PRKN: variants seen among roughly 807,000 people sequenced by gnomAD.
PRKN encodes E3 ubiquitin-protein ligase parkin.
A neutral mutation model predicts 59.5 loss-of-function variants in PRKN; 56 were observed. That is an observed-to-expected ratio of 0.94 (90% CI 0.76 to 1.18). PRKN has a LOEUF of 1.18. PRKN is among the 50% of genes most tolerant of loss of function. The pLI, the probability that PRKN is intolerant of heterozygous loss-of-function variation, is 0.00. For missense variants in PRKN, 657 were observed against 596.4 expected (o/e 1.10, Z -1.06); for synonymous variants, 250 against 222.1 (o/e 1.13, Z -1.12).
chr6:162,468,557 A>G (rs1791548946), intron 1 of PRKN, among the ~76,000 whole-genome samples: 1 of 152,220 alleles, frequency 6.6e-6, no homozygotes. Context: ...GTTTCTCATT[A>G]TATCTTGTCT....
intron 2 of PRKN, among the ~76,000 whole-genome samples, chr6:162,357,243 T>C (rs147204793): frequency 2.5e-3 from 380 of 152,182 alleles, no homozygotes; most frequent in African/African-American, 8.7e-3. Flanking sequence ...AGGAGTAGTA[T>C]CCAAGATATA....
At position 161,360,333 on chromosome 6, in the gene PRKN, A is replaced by T; in HGVS notation, c.1168-128T>A. ...GTGCCTTCGGGCAAGAAGCCTAAATATCAATGCACTTGACAAATGCTAGAC... is the reference window on the plus strand; with the variant it reads ...GTGCCTTCGGGCAAGAAGCCTAAATTTCAATGCACTTGACAAATGCTAGAC... On this transcript the variant is annotated intron_variant, in intron 10 of 11. Coordinates refer to ENST00000366898, the MANE Select transcript of PRKN (RefSeq NM_004562.3). The surrounding 1 kb of genome is among the most constrained non-coding windows in gnomAD (Gnocchi z 5.1). 2.6e-6 allele frequency: 2 copies of T among 772,254 alleles called. No homozygotes were observed. The highest frequency in any genetic ancestry group is 3.8e-5 in the Admixed American group (2 of 53,228). The allele number at this position is 772,254 out of a possible 1,614,324, so 47.8% of individuals were successfully genotyped here.
At position 161,814,027 on chromosome 6, in the gene PRKN, G is replaced by GCATAAGAGCATCCAAAAAAAAGCATAA. The variant is rs1791665632; in HGVS notation, c.735-28120_735-28119insTTATGCTTTTTTTTGGATGCTCTTATG. On this transcript the variant is annotated intron_variant, in intron 6 of 11. Coordinates refer to ENST00000366898, the MANE Select transcript of PRKN (RefSeq NM_004562.3). Reference sequence around the variant, plus strand: ...GGGGCAAATATATCCAAATAAAAGAGGATCCTTTTATCTTATGCTCAGGGC... The same window carrying GCATAAGAGCATCCAAAAAAAAGCATAA: ...GGGGCAAATATATCCAAATAAAAGAGCATAAGAGCATCCAAAAAAAAGCATAAGATCCTTTTATCTTATGCTCAGGGC... Among the ~76,000 whole-genome samples, 9 of 152,146 alleles carry GCATAAGAGCATCCAAAAAAAAGCATAA rather than the reference G, an allele frequency of 5.9e-5. No homozygotes were observed. In the South Asian group the frequency reaches 1.9e-3, roughly 32 times the overall value.
In PRKN at chr6:162,108,695, C is replaced by T. The variant is rs551008103; in HGVS notation, c.535-54521G>A. ...AGATGCTGAGTGCAGTGACAAAGAA[C>T]GGTGAACGGAGGACCTGTTTGTGAA... On this transcript the variant is annotated intron_variant, in intron 4 of 11. Coordinates refer to ENST00000366898, the MANE Select transcript of PRKN (RefSeq NM_004562.3). Among the ~76,000 whole-genome samples, 14 of 152,274 alleles carry T rather than the reference C, an allele frequency of 9.2e-5. No homozygotes were observed. In the South Asian group the frequency reaches 2.5e-3, roughly 27 times the overall value.
chr6:162,704,176 T>C (rs2128237342), intron 1 of PRKN, among the ~76,000 whole-genome samples: 1 of 152,298 alleles, frequency 6.6e-6, no homozygotes, highest in East Asian at 1.9e-4. Flanking sequence ...GAGCTGGCCA[T>C]GCCCTCCACC....
chr6:161,551,498 C>T lies in PRKN; in HGVS notation c.934-2495G>A, dbSNP rs1780016813. On this transcript the variant is annotated intron_variant, in intron 8 of 11. Transcript: ENST00000366898. The surrounding 1 kb of genome is among the most constrained non-coding windows in gnomAD (Gnocchi z 5.2). ...CAGCAGCCTATGAGGCAGGTGAAAA[C>T]TGAGGAGGACTCAGGTGTCCCGAAA... 1.3e-5 allele frequency among the ~76,000 whole-genome samples: 2 copies of T among 152,160 alleles called. No homozygotes were observed. Among genetic ancestry groups the T allele is most frequent in the African/African-American group, 4.8e-5 (2 of 41,444 alleles).
At chr6:162,506,925 C>T (rs111899627) in intron 1 of PRKN, among the ~76,000 whole-genome samples, 208 of 152,100 alleles carry the variant, frequency 1.4e-3, no homozygotes, top group Non-Finnish European at 2.5e-3. Flanking sequence ...AAAGAATCAC[C>T]ATCCCATATT....
At chr6:162,039,214 T>C (rs1034951988) in intron 5 of PRKN, among the ~76,000 whole-genome samples, 2 of 151,978 alleles carry the variant, frequency 1.3e-5, no homozygotes, top group Non-Finnish European at 2.9e-5. Flanking sequence ...TGCAAAGATA[T>C]ACTTTAAATA....
chr6:161,454,934 G>A lies in PRKN; in HGVS notation c.1084-68057C>T, dbSNP rs1346642374. ...AGCTATATTTTTCTTCATAACACTG[G>A]TTTCTCTAGACATTATATTACATCT... On this transcript the variant is annotated intron_variant, in intron 9 of 11. Transcript: ENST00000366898. This position sits in a 1 kb window ranked among gnomAD's most constrained non-coding sequence, Gnocchi z 4.6. Among the ~76,000 whole-genome samples the A allele has an allele frequency of 6.6e-6, 1 of 151,814 alleles. No individual in the cohort carries two copies. Among genetic ancestry groups the A allele is most frequent in the Non-Finnish European group, 1.5e-5 (1 of 67,998 alleles).
intron 3 of PRKN, among the ~76,000 whole-genome samples, chr6:162,220,064 G>A (rs1320133862): frequency 6.6e-6 from 1 of 152,062 alleles, no homozygotes; most frequent in East Asian, 1.9e-4. Context: ...ACAGGCTATA[G>A]ATATACAGAA....
At chr6:162,340,287 A>G (rs920786903) in intron 2 of PRKN, among the ~76,000 whole-genome samples, 4 of 152,322 alleles carry the variant, frequency 2.6e-5, no homozygotes, top group Non-Finnish European at 2.9e-5. Flanking sequence ...TAACACTTGA[A>G]TAGGATTCTG....
intron 9 of PRKN, among the ~76,000 whole-genome samples, chr6:161,481,250 A>G (rs1334157696): frequency 6.6e-6 from 1 of 152,072 alleles, no homozygotes; most frequent in African/African-American, 2.4e-5. Flanking sequence ...CAACTCTCCC[A>G]CCCAACATAT....
chr6:161,505,057 G>A (rs1390949295), intron 9 of PRKN, among the ~76,000 whole-genome samples: 6 of 151,780 alleles, frequency 4.0e-5, no homozygotes, highest in African/African-American at 1.5e-4. Context: ...GGATGGCTGG[G>A]TCAAATGGTA....
At chr6:162,462,457 C>T (rs1427383865) in intron 1 of PRKN, among the ~76,000 whole-genome samples, 3 of 152,090 alleles carry the variant, frequency 2.0e-5, no homozygotes, top group Non-Finnish European at 4.4e-5. Context: ...AGACCTATTT[C>T]ATTTCAACCT....
intron 4 of PRKN, among the ~76,000 whole-genome samples, chr6:162,081,557 T>C (rs1302047042): frequency 6.6e-6 from 1 of 152,096 alleles, no homozygotes; most frequent in Non-Finnish European, 1.5e-5. Context: ...AAATATCCAG[T>C]AAACCGTGCT....
At chr6:161,375,199 T>C (rs1785644114) in intron 10 of PRKN, among the ~76,000 whole-genome samples, 1 of 152,132 alleles carries the variant, frequency 6.6e-6, no homozygotes, top group Non-Finnish European at 1.5e-5. Flanking sequence ...CTGAGGCTCC[T>C]GCAGAGGGAG....
chr6:161,635,631 A>G (rs1232298600), intron 7 of PRKN, among the ~76,000 whole-genome samples: 1 of 152,194 alleles, frequency 6.6e-6, no homozygotes, highest in Non-Finnish European at 1.5e-5. Flanking sequence ...ATGCAAAGCT[A>G]TCTTCATTGG....
In PRKN at chr6:161,545,409, G is replaced by T. The variant is rs761119063; in HGVS notation, c.1083+3445C>A. The stretch of plus-strand genomic sequence containing the variant: ...AATGAGGCACTCACTTCTCCCTGAG[G>T]CAGCTTATTTTGTTCTTCGTTGTCC... On this transcript the variant is annotated intron_variant, in intron 9 of 11. Transcript: ENST00000366898. This position sits in a 1 kb window ranked among gnomAD's most constrained non-coding sequence, Gnocchi z 4.1. The T allele has an allele frequency of 3.1e-6, 5 of 1,612,254 alleles. No homozygotes were observed. Among genetic ancestry groups the T allele is most frequent in the Non-Finnish European group, 4.2e-6 (5 of 1,179,416 alleles).
At chr6:162,631,530 A>C (rs960586805) in intron 1 of PRKN, among the ~76,000 whole-genome samples, 3 of 151,760 alleles carry the variant, frequency 2.0e-5, no homozygotes, top group African/African-American at 4.8e-5. Flanking sequence ...CCCATTTTTA[A>C]ATTTTTTTTA....
Sources: gnomAD v4.1 joint callset for allele counts (sites outside exome capture counted in the v4.1 genomes callset) on GRCh38, gnomAD v4.1.1 for gene constraint, Gnocchi (gnomAD v3.1) non-coding constraint, MANE v1.5 for transcripts, NCBI Gene and HGNC (gene_info 2026-07-23, HGNC 2026-07-21) for gene names.